ASB17: variants seen among roughly 807,000 people sequenced by gnomAD.
ASB17 encodes ankyrin repeat and SOCS box protein 17.
ASB17 carries 26 observed loss-of-function variants against 25.7 expected under a neutral mutation model. The observed-to-expected ratio is 1.01, with a 90% CI of 0.74 to 1.40. ASB17 has a LOEUF of 1.40. Ranked by LOEUF, ASB17 falls within the 40% of genes most tolerant of loss-of-function variation. The pLI is 0.00. For synonymous variants in ASB17, 128 were observed against 121.4 expected (o/e 1.05, Z -0.36); for missense variants, 326 against 338.5 (o/e 0.96, Z 0.29).
chr1:75,919,177 T>C lies in ASB17; in HGVS notation c.682-19A>G. ...GCTGTGTCTGAAGAAAAGCAAAATA[T>C]TTTACTTTTGTAATGTTTTGTAATT... On this transcript the variant is annotated intron_variant, in intron 2 of 2. Transcript: ENST00000284142. The C allele has an allele frequency of 6.4e-7, 1 of 1,567,012 alleles. No homozygotes were observed. Among genetic ancestry groups the C allele is most frequent in the Non-Finnish European group, 8.7e-7 (1 of 1,145,452 alleles).
intron 2 of ASB17, among the ~76,000 whole-genome samples, chr1:75,921,401 AT>A (rs1653023727): frequency 6.6e-6 from 1 of 152,156 alleles, no homozygotes; most frequent in South Asian, 2.1e-4. Flanking sequence ...TGTTAATTTG[AT>A]TGGTTTAAAT....
chr1:75,932,371 G>C lies in ASB17; in HGVS notation c.-80C>G. 7.5e-7 allele frequency: 1 copy of C among 1,340,234 alleles called. No homozygotes were observed. The highest frequency in any genetic ancestry group is 1.0e-6 in the Non-Finnish European group (1 of 984,194). The allele number at this position is 1,340,234 out of a possible 1,614,324, so 83.0% of individuals were successfully genotyped here. ...CTCCAGTTACATATTTTGACAATGT[G>C]GCAGGCTTTACTCCACAAACAGAAG... On this transcript the variant is annotated 5_prime_UTR_variant, in exon 1 of 3. Transcript: ENST00000284142.
chr1:75,929,563 C>T (rs1653268643), intron 1 of ASB17, among the ~76,000 whole-genome samples: 1 of 152,022 alleles, frequency 6.6e-6, no homozygotes, highest in Admixed American at 6.6e-5. Flanking sequence ...AATGTTATAC[C>T]CCTTGTATAA....
Position 75,922,205 on chromosome 1 carries a change from C to T in ASB17, c.556G>A (p.Val186Ile). Reference protein sequence around the residue: ...KNPINIVLTIVLYPSRVRVMV... With the variant: ...KNPINIVLTIILYPSRVRVMV... ...ACTCTTACTCTCGAAGGGTAGAGTA[C>T]TATTGTTAAGACAATGTTGATAGGG... is the stretch of plus-strand genomic sequence containing the variant. The change falls in exon 2 of 3, where the codon GTA becomes ATA. Residue 186 changes from valine to isoleucine, a missense_variant. By Grantham distance (29) the Val-to-Ile change is conservative (BLOSUM62 3). Transcript: ENST00000284142. 2 of 1,613,800 alleles carry T rather than the reference C, an allele frequency of 1.2e-6. No homozygotes were observed. The highest frequency in any genetic ancestry group is 1.7e-6 in the Non-Finnish European group (2 of 1,179,784).
chr1:75,931,636 T>A (rs536931547), intron 1 of ASB17, among the ~76,000 whole-genome samples: 1 of 152,180 alleles, frequency 6.6e-6, no homozygotes, highest in African/African-American at 2.4e-5. Context: ...TAGAGAAACA[T>A]GTTGTTTAGC....
Position 75,931,981 on chromosome 1 carries a change from C to T in ASB17, c.311G>A (p.Arg104Lys). ...TTCCACAAAGTCAGGATTACCTTTTCTGGCAAAAACCCAGTACAGAATTGT... is the reference window on the plus strand; with the variant it reads ...TTCCACAAAGTCAGGATTACCTTTTTTGGCAAAAACCCAGTACAGAATTGT... ...VNTILYWVFA[R>K]KGNPDFVELL... The change falls in exon 1 of 3, where the codon AGA (arginine) becomes AAA (lysine). Residue 104 changes from arginine to lysine, a missense_variant. Transcript: ENST00000284142. 1.2e-6 allele frequency: 2 copies of T among 1,614,012 alleles called. No individual in the cohort carries two copies. Among genetic ancestry groups the T allele is most frequent in the Non-Finnish European group, 1.7e-6 (2 of 1,179,960 alleles).
At chr1:75,920,560 G>T (rs1467810084) in intron 2 of ASB17, among the ~76,000 whole-genome samples, 1 of 152,154 alleles carries the variant, frequency 6.6e-6, no homozygotes, top group African/African-American at 2.4e-5. Flanking sequence ...TATGTGCTGC[G>T]ATAGGGAAAA....
At position 75,921,485 on chromosome 1, in the gene ASB17, T is replaced by TGA. The variant is rs796977864; in HGVS notation, c.681+593_681+594dup. On this transcript the variant is annotated intron_variant, in intron 2 of 2. Transcript: ENST00000284142. ...TAATGGGCATGATTCAATTTGATGA[T>TGA]GACACTTGCAGTTCATTTTGACAGG... 5.3e-4 allele frequency among the ~76,000 whole-genome samples: 80 copies of TGA among 152,366 alleles called. 1 individual carries two copies. Among genetic ancestry groups the TGA allele is most frequent in the African/African-American group, 1.8e-3 (74 of 41,584 alleles).
rs142938779 is a variant in ASB17 at position 75,926,298 on chromosome 1, T to C, written c.402-3939A>G. 2.3e-4 allele frequency among the ~76,000 whole-genome samples: 35 copies of C among 152,290 alleles called. No homozygotes were observed. In the East Asian group the frequency reaches 6.7e-3, roughly 29 times the overall value. On this transcript the variant is annotated intron_variant, in intron 1 of 2. Transcript: ENST00000284142. ...GGAAAAAAGAATAAGTAGAGCAGAATAAGAAGTATGGATATGCTGTGGGCT... is the reference window on the plus strand; with the variant it reads ...GGAAAAAAGAATAAGTAGAGCAGAACAAGAAGTATGGATATGCTGTGGGCT...
Position 75,926,328 on chromosome 1 carries a change from C to T in ASB17, c.402-3969G>A, listed in dbSNP as rs183832845. On this transcript the variant is annotated intron_variant, in intron 1 of 2. Transcript: ENST00000284142. ...AGTATGGATATGCTGTGGGCTGGTA[C>T]GGTCAGGGCATTTTTAAATATTAAA... Among the ~76,000 whole-genome samples, 737 of 152,216 alleles carry T rather than the reference C, an allele frequency of 4.8e-3. 3 individuals carry two copies. The highest frequency in any genetic ancestry group is 7.7e-3 in the Non-Finnish European group (526 of 68,002).
intron 1 of ASB17, among the ~76,000 whole-genome samples, chr1:75,924,390 A>G (rs556667935): frequency 4.4e-4 from 67 of 152,276 alleles, no homozygotes; most frequent in African/African-American, 1.3e-3. Context: ...TTTATCTGCA[A>G]AGCTTCACCA....
intron 2 of ASB17, among the ~76,000 whole-genome samples, chr1:75,921,774 G>T (rs558112984): frequency 3.9e-5 from 6 of 152,064 alleles, no homozygotes; most frequent in East Asian, 1.9e-4. Context: ...TAAATTTTTT[G>T]ATTTTGTTTT....
intron 2 of ASB17, among the ~76,000 whole-genome samples, chr1:75,920,047 C>T (rs549806404): frequency 6.6e-6 from 1 of 152,274 alleles, no homozygotes; most frequent in Non-Finnish European, 1.5e-5. Flanking sequence ...ATCTGGGAGA[C>T]TGTAAAAAAT....
At chr1:75,923,317 T>C (rs1653079152) in intron 1 of ASB17, among the ~76,000 whole-genome samples, 1 of 152,176 alleles carries the variant, frequency 6.6e-6, no homozygotes, top group African/African-American at 2.4e-5. Context: ...GAAATCTTGT[T>C]TTCCCTAGAG....
At chr1:75,919,541 C>G (rs915944236) in intron 2 of ASB17, among the ~76,000 whole-genome samples, 2 of 152,152 alleles carry the variant, frequency 1.3e-5, no homozygotes, top group Non-Finnish European at 2.9e-5. Context: ...CCCCTCTCCC[C>G]CTACCCCACA....
Position 75,922,337 on chromosome 1 carries a change from G to A in ASB17, c.424C>T (p.Pro142Ser). Residue 142 changes from proline to serine, a missense_variant, in exon 2 of 3, where the codon CCA becomes TCA. By Grantham distance (74) the Pro-to-Ser change is moderately conservative. Transcript: ENST00000284142. ...GGTGTGATGCCACTTAATGGGCTTG[G>A]ACAGTATACTGGTGTGAAAGTTCTG... ...IWRTFTPVYC[P>S]SPLSGITPLF... is the part of the protein sequence containing the mutation. The A allele has an allele frequency of 6.2e-7, 1 of 1,611,894 alleles. No individual in the cohort carries two copies. The highest frequency in any genetic ancestry group is 1.3e-5 in the African/African-American group (1 of 74,878).
At chr1:75,919,372 C>T (rs1350791423) in intron 2 of ASB17, among the ~76,000 whole-genome samples, 1 of 151,786 alleles carries the variant, frequency 6.6e-6, no homozygotes, top group African/African-American at 2.4e-5. Flanking sequence ...TGTCTAAGGA[C>T]ACAAGGCAAC....
chr1:75,924,087 T>C (rs912254740), intron 1 of ASB17, among the ~76,000 whole-genome samples: 1 of 152,108 alleles, frequency 6.6e-6, no homozygotes, highest in Non-Finnish European at 1.5e-5. Context: ...TCATTTCCTA[T>C]AGGTTATCCA....
chr1:75,925,583 G>C (rs1283606692), intron 1 of ASB17, among the ~76,000 whole-genome samples: 1 of 152,032 alleles, frequency 6.6e-6, no homozygotes, highest in African/African-American at 2.4e-5. Flanking sequence ...TGCTTAATCT[G>C]TACTGACAGT....
Sources: gnomAD v4.1 joint callset for allele counts (sites outside exome capture counted in the v4.1 genomes callset) on GRCh38, gnomAD v4.1.1 for gene constraint, MANE v1.5 for transcripts, NCBI Gene and HGNC (gene_info 2026-07-23, HGNC 2026-07-21) for gene names.